The following IPO13 variants were observed in gnomAD, a reference collection of about 807,000 sequenced individuals.
IPO13 encodes importin-13.
IPO13 carries 28 observed loss-of-function variants against 115.5 expected under a neutral mutation model. The observed-to-expected ratio is 0.24, with a 90% CI of 0.18 to 0.33. The LOEUF (loss-of-function observed/expected upper bound fraction) is 0.33, where lower values mean the gene tolerates loss of function less well. Ranked by LOEUF, IPO13 falls within the 10% of genes least tolerant of loss-of-function variation. IPO13 has a pLI of 1.00. For missense variants in IPO13, 785 were observed against 1,204.6 expected (o/e 0.65, Z 5.16); for synonymous variants, 414 against 478.9 (o/e 0.86, Z 1.77).
chr1:43,958,913 A>G lies in IPO13; in HGVS notation c.2028+24A>G, dbSNP rs1343317706. On this transcript the variant is annotated intron_variant, in intron 11 of 19. Coordinates refer to ENST00000372343, the MANE Select transcript of IPO13 (RefSeq NM_014652.4). This position sits in a 1 kb window ranked among gnomAD's most constrained non-coding sequence, Gnocchi z 6.3. ...CCGTGGGTGACATTTGCCCACGGCA[A>G]AGACATTTGTCTTTGCCATCCCCCC... The G allele has an allele frequency of 4.3e-6, 7 of 1,609,638 alleles. No individual in the cohort carries two copies. The South Asian group carries it at 4.4e-5, about 10-fold the overall frequency.
chr1:43,957,063 AT>A, intron 5 of IPO13, 87 bp downstream of exon 5: 1 of 1,565,506 alleles, frequency 6.4e-7, no homozygotes, highest in Non-Finnish European at 8.7e-7. Flanking sequence ...GGCTTTCTGA[AT>A]TTTGGTGCTC....
At chr1:43,960,001 G>A (rs2085278634) in intron 11 of IPO13, among the ~76,000 whole-genome samples, 1 of 152,164 alleles carries the variant, frequency 6.6e-6, no homozygotes. Flanking sequence ...AAGCACTTGT[G>A]ATATCTCTGC....
chr1:43,957,213 G>T lies in IPO13; in HGVS notation c.1290G>T (p.Thr430=). The T allele has an allele frequency of 2.5e-6, 4 of 1,614,044 alleles. No individual in the cohort carries two copies. The highest frequency in any genetic ancestry group is 3.4e-6 in the Non-Finnish European group (4 of 1,179,972). The part of the protein sequence containing the change: ...FRIYRVDISD[T]LMYVYEMLGA... ...TTCTCAGGGTGGACATCTCAGACACGCTCATGTATGTCTATGAGATGTTGG... is the reference window on the plus strand; with the variant it reads ...TTCTCAGGGTGGACATCTCAGACACTCTCATGTATGTCTATGAGATGTTGG... The change falls in exon 6 of 20, where the codon ACG becomes ACT. Residue 430 remains threonine, a synonymous_variant. Coordinates refer to ENST00000372343, the MANE Select transcript of IPO13 (RefSeq NM_014652.4).
rs1557636221 is a variant in IPO13, at chr1:43,966,651, G to A, written c.2464+10G>A. ...GCTGTGTTCCAGTGTGGTAAGTGGG[G>A]CGAGATGGACAGGTGGGCCTGGGGC... On this transcript the variant is annotated intron_variant, in intron 16 of 19. Transcript: ENST00000372343. This position sits in a 1 kb window ranked among gnomAD's most constrained non-coding sequence, Gnocchi z 4.1. 1.9e-6 allele frequency: 3 copies of A among 1,614,196 alleles called. No individual in the cohort carries two copies. The highest frequency in any genetic ancestry group is 2.2e-5 in the South Asian group (2 of 91,082).
rs1410322499 is a variant in IPO13 at position 43,956,490 on chromosome 1, A to G, written c.962+30A>G. Reference sequence around the variant, plus strand: ...AGGGTGGAGCAGCTTGGGGTGGGATAGTAGGGCCCTCTAAGAAATGGGGTT... The same window carrying G: ...AGGGTGGAGCAGCTTGGGGTGGGATGGTAGGGCCCTCTAAGAAATGGGGTT... On this transcript the variant is annotated intron_variant, in intron 3 of 19. Transcript: ENST00000372343. This position sits in a 1 kb window ranked among gnomAD's most constrained non-coding sequence, Gnocchi z 4.7. The G allele has an allele frequency of 6.2e-7, 1 of 1,613,964 alleles. No individual in the cohort carries two copies. The highest frequency in any genetic ancestry group is 1.3e-5 in the African/African-American group (1 of 74,910).
At chr1:43,964,578 G>A (rs2085309824) in intron 15 of IPO13, among the ~76,000 whole-genome samples, 1 of 152,176 alleles carries the variant, frequency 6.6e-6, no homozygotes, top group South Asian at 2.1e-4. Context: ...GGCTGGCATC[G>A]GGTGGGGAAT....
At position 43,963,953 on chromosome 1, in the gene IPO13, C is replaced by T. The variant is rs192450465; in HGVS notation, c.2345-316C>T. On this transcript the variant is annotated intron_variant, in intron 14 of 19. Coordinates refer to ENST00000372343, the MANE Select transcript of IPO13 (RefSeq NM_014652.4). Reference sequence around the variant, plus strand: ...CAGAGGCCACAGTAAGTGTGGTGGCCGTTTCTTCAGCTATATGGAGTCCAG... The same window carrying T: ...CAGAGGCCACAGTAAGTGTGGTGGCTGTTTCTTCAGCTATATGGAGTCCAG... Among the ~76,000 whole-genome samples the T allele has an allele frequency of 8.6e-4, 131 of 152,296 alleles. 1 individual carries two copies. The highest frequency in any genetic ancestry group is 2.9e-3 in the African/African-American group (122 of 41,564).
In IPO13 at chr1:43,956,866, G is replaced by A. The variant is rs1163397686; in HGVS notation, c.1161G>A (p.Arg387=). 1 of 1,614,220 alleles carries A rather than the reference G, an allele frequency of 6.2e-7. No individual in the cohort carries two copies. The change falls in exon 5 of 20, where the codon CGG becomes CGA. Residue 387 remains arginine (R), a synonymous_variant. Coordinates refer to ENST00000372343, the MANE Select transcript of IPO13 (RefSeq NM_014652.4). This position sits in a 1 kb window ranked among gnomAD's most constrained non-coding sequence, Gnocchi z 4.7. ...AGGCTGTATACCAGCAGGTGTACCG[G>A]CCAGTCTACTTCCAGCTGGTGGATG... is the stretch of plus-strand genomic sequence containing the variant. ...EKQAVYQQVY[R]PVYFQLVDVL...
rs1180954530 is a variant in IPO13 at position 43,952,991 on chromosome 1, A to T, written c.821+2838A>T. On this transcript the variant is annotated intron_variant, in intron 2 of 19. Coordinates refer to ENST00000372343, the MANE Select transcript of IPO13 (RefSeq NM_014652.4). This position sits in a 1 kb window ranked among gnomAD's most constrained non-coding sequence, Gnocchi z 4.7. ...CTGACAGTTGGTGACTAAGGGAAACAGATCAGGGCAAGTGTGTGGGTGATG... is the reference window on the plus strand; with the variant it reads ...CTGACAGTTGGTGACTAAGGGAAACTGATCAGGGCAAGTGTGTGGGTGATG... Among the ~76,000 whole-genome samples the T allele has an allele frequency of 6.6e-6, 1 of 152,234 alleles. No individual in the cohort carries two copies. Among genetic ancestry groups the T allele is most frequent in the Non-Finnish European group, 1.5e-5 (1 of 68,056 alleles).
chr1:43,966,603 T>C lies in IPO13; in HGVS notation c.2426T>C (p.Leu809Pro). 6.2e-7 allele frequency: 1 copy of C among 1,614,160 alleles called. No homozygotes were observed. Among genetic ancestry groups the C allele is most frequent in the African/African-American group, 1.3e-5 (1 of 75,028 alleles). Residue 809 changes from leucine to proline, a missense_variant, in exon 16 of 20, where the codon CTG becomes CCG. This residue lies in a region of IPO13 where 285 missense variants were observed against 394.8 expected (regional missense o/e 0.72). Transcript: ENST00000372343. The surrounding 1 kb of genome is among the most constrained non-coding windows in gnomAD (Gnocchi z 4.1). ...CTGAAGCGGAAGCCAGATTTGTTCC[T>C]GTGTGAACGATTGGATGTCAAAGCT... ...QALKRKPDLF[L>P]CERLDVKAVF... is the part of the protein sequence containing the mutation.
chr1:43,957,949 G>T (rs778620501), intron 7 of IPO13, 28 bp from the exon 8 acceptor site: 1 of 1,611,254 alleles, frequency 6.2e-7, no homozygotes, highest in Admixed American at 1.7e-5. Context: ...CTGCCTCAAA[G>T]ATCCTCCTGT....
chr1:43,950,508 G>T (rs547273510), intron 2 of IPO13, among the ~76,000 whole-genome samples: 1 of 152,070 alleles, frequency 6.6e-6, no homozygotes, highest in Non-Finnish European at 1.5e-5. Context: ...CCAGATTACT[G>T]TAGAGCTTGT....
intron 1 of IPO13, among the ~76,000 whole-genome samples, chr1:43,949,105 T>A (rs752720779): frequency 2.0e-5 from 3 of 152,230 alleles, no homozygotes; most frequent in Non-Finnish European, 4.4e-5. Flanking sequence ...CACCTGGGCC[T>A]TGCCCTCAAG....
intron 11 of IPO13, 115 bp downstream of exon 11, chr1:43,959,004 C>T: frequency 9.5e-7 from 1 of 1,049,720 alleles, no homozygotes; most frequent in Non-Finnish European, 1.4e-6. Context: ...CATTGTTCTC[C>T]CTGCCCCGTG....
Position 43,947,063 on chromosome 1 carries a change from T to C in IPO13, c.-538T>C. On this transcript the variant is annotated 5_prime_UTR_variant, in exon 1 of 20. Transcript: ENST00000372343. ...AAGGGACCTGCCACAGCCCCTCAAC[T>C]CCACGGACTCTTCGCCCTAGACTAG... The C allele has an allele frequency of 2.5e-6, 1 of 398,686 alleles. No individual in the cohort carries two copies. The highest frequency in any genetic ancestry group is 4.4e-6 in the Non-Finnish European group (1 of 226,114). The allele number at this position is 398,686 out of a possible 1,614,324, so 24.7% of individuals were successfully genotyped here. A position where few individuals can be genotyped will look rare whatever the true frequency, so the allele number is the denominator to read the frequency against.
At chr1:43,963,841 C>G (rs1285079249) in intron 14 of IPO13, among the ~76,000 whole-genome samples, 2 of 152,168 alleles carry the variant, frequency 1.3e-5, no homozygotes, top group South Asian at 2.1e-4. Context: ...ACTCCCCCAC[C>G]CCCCCACCGC....
In IPO13 at chr1:43,949,554, C is replaced by A; in HGVS notation, c.222C>A (p.Ile74=). The A allele has an allele frequency of 6.2e-7, 1 of 1,614,236 alleles. No homozygotes were observed. Among genetic ancestry groups the A allele is most frequent in the Non-Finnish European group, 8.5e-7 (1 of 1,180,038 alleles). ...QLLQPDKVPE[I]QYFGASALHI... is the part of the protein sequence containing the mutation. Reference sequence around the variant, plus strand: ...TGCAGCCCGACAAGGTACCAGAGATCCAGTACTTTGGGGCCAGTGCTCTTC... The same window carrying A: ...TGCAGCCCGACAAGGTACCAGAGATACAGTACTTTGGGGCCAGTGCTCTTC... The change falls in exon 2 of 20, where the codon ATC becomes ATA. Residue 74 remains isoleucine, a synonymous_variant. Transcript: ENST00000372343.
intron 2 of IPO13, among the ~76,000 whole-genome samples, chr1:43,950,985 G>A (rs549779037): frequency 6.6e-6 from 1 of 152,260 alleles, no homozygotes; most frequent in East Asian, 1.9e-4. Context: ...TCGGCACATG[G>A]TAGCATTTGA....
In IPO13 at chr1:43,947,661, T is replaced by G. The variant is rs2085176986; in HGVS notation, c.61T>G (p.Phe21Val). The G allele has an allele frequency of 4.5e-6, 6 of 1,326,664 alleles. No individual in the cohort carries two copies. The highest frequency in any genetic ancestry group is 2.9e-6 in the Non-Finnish European group (3 of 1,029,344). 82.2% of individuals were successfully genotyped at this position (1,326,664 alleles called of 1,614,324 possible). Reference protein sequence around the residue: ...AGAGAAPALDFTVENVEKALH... With the variant: ...AGAGAAPALDVTVENVEKALH... ...GGCTGGAGCAGCACCAGCCTTGGAC[T>G]TCACTGTGGAGAACGTGGAGAAGGT... The change falls in exon 1 of 20, where the codon TTC becomes GTC. Residue 21 changes from phenylalanine to valine, a missense_variant. By Grantham distance (50) the Phe-to-Val change is conservative (BLOSUM62 -1). Transcript: ENST00000372343.
Sources: allele counts gnomAD v4.1 joint callset (sites outside exome capture counted in the v4.1 genomes callset), GRCh38; gene constraint gnomAD v4.1.1; regional missense constraint gnomAD v4.1.1; non-coding constraint Gnocchi (gnomAD v3.1); transcripts MANE v1.5; gene names NCBI Gene and HGNC (gene_info 2026-07-23, HGNC 2026-07-21).